The following ADRA1A variants were observed in gnomAD, a reference collection of about 807,000 sequenced individuals.
ADRA1A encodes the protein alpha-1A adrenergic receptor.
In ADRA1A, 31 loss-of-function variants were observed where a neutral mutation model predicts 29.6. The observed-to-expected ratio is 1.05, with a 90% CI of 0.79 to 1.41. The LOEUF (loss-of-function observed/expected upper bound fraction) is 1.41, where lower values mean the gene tolerates loss of function less well. ADRA1A is among the 40% of genes most tolerant of loss of function. The pLI, the probability that ADRA1A is intolerant of heterozygous loss-of-function variation, is 0.00. For synonymous variants in ADRA1A, 311 were observed against 254.3 expected, an observed-to-expected ratio of 1.22 and a Z score of -2.12; for missense variants, 619 against 601.1, an observed-to-expected ratio of 1.03 and a Z score of -0.31.
chr8:26,854,276 C>G (rs559156643), intron 2 of ADRA1A: 2 of 152,284 alleles, frequency 1.3e-5, no homozygotes, highest in South Asian at 4.2e-4. Context: ...GTCTGTAGTT[C>G]CAACTACTCA....
downstream of ADRA1A, among the ~76,000 whole-genome samples, chr8:26,761,988 A>G (rs969610216): frequency 2.6e-5 from 4 of 152,196 alleles, no homozygotes; most frequent in South Asian, 4.1e-4. Flanking sequence ...GCATTGCTCA[A>G]TGCTAACATA....
downstream of ADRA1A, among the ~76,000 whole-genome samples, chr8:26,752,096 C>A (rs754282592): frequency 3.3e-5 from 5 of 151,996 alleles, no homozygotes; most frequent in Non-Finnish European, 7.4e-5. Context: ...CCAGAGAGCT[C>A]ATTGGCAAAC....
At chr8:26,840,899 T>C (rs1400353121) in intron 2 of ADRA1A, among the ~76,000 whole-genome samples, 1 of 152,170 alleles carries the variant, frequency 6.6e-6, no homozygotes, top group Non-Finnish European at 1.5e-5. Flanking sequence ...ATTATGGCTA[T>C]AGAGAGCAAA....
downstream of ADRA1A, among the ~76,000 whole-genome samples, chr8:26,752,588 T>C (rs1314093893): frequency 1.3e-5 from 2 of 152,220 alleles, no homozygotes; most frequent in African/African-American, 4.8e-5. Flanking sequence ...AGAAATTATT[T>C]TGGGGCTGCT....
chr8:26,777,740 C>G (rs1274844821), intron 2 of ADRA1A, among the ~76,000 whole-genome samples: 1 of 152,248 alleles, frequency 6.6e-6, no homozygotes, highest in African/African-American at 2.4e-5. Flanking sequence ...TAGCTCTCCT[C>G]TTGCATGGGG....
Position 26,865,199 on chromosome 8 carries a change from G to A in ADRA1A, c.-230C>T, listed in dbSNP as rs1435956864. 1.2e-5 allele frequency: 16 copies of A among 1,376,256 alleles called. No individual in the cohort carries two copies. Among genetic ancestry groups the A allele is most frequent in the Non-Finnish European group, 1.5e-5 (16 of 1,067,072 alleles). The allele number at this position is 1,376,256 out of a possible 1,614,324, so 85.3% of individuals were successfully genotyped here. A position where few individuals can be genotyped will look rare whatever the true frequency, so the allele number is the denominator to read the frequency against. On this transcript the variant is annotated 5_prime_UTR_variant, in exon 2 of 3. Coordinates refer to ENST00000380573, the MANE Select transcript of ADRA1A (RefSeq NM_000680.4). The surrounding 1 kb of genome is among the most constrained non-coding windows in gnomAD (Gnocchi z 7.6). ...GCAGGGCATTAAAGACATGGCCAGG[G>A]GCGCGCGGGGCTGCCGGGGACCCTC...
chr8:26,832,766 G>C (rs113228744), intron 2 of ADRA1A, among the ~76,000 whole-genome samples: 5 of 152,266 alleles, frequency 3.3e-5, no homozygotes, highest in African/African-American at 7.2e-5. Flanking sequence ...TCACACCTGT[G>C]GGGGAGGGAG....
chr8:26,865,526 C>G lies in ADRA1A; in HGVS notation c.-557G>C, dbSNP rs759265403. On this transcript the variant is annotated 5_prime_UTR_variant, in exon 2 of 3. Coordinates refer to ENST00000380573, the MANE Select transcript of ADRA1A (RefSeq NM_000680.4). The surrounding 1 kb of genome is among the most constrained non-coding windows in gnomAD (Gnocchi z 7.6). ...GGGCGCTGCTCCTGGCCCGCAGTTA[C>G]CTACATTTTGAGCTGCCCCACCGAA... is the stretch of plus-strand genomic sequence containing the variant. 1 of 991,180 alleles carries G rather than the reference C, an allele frequency of 1.0e-6. No homozygotes were observed. Among genetic ancestry groups the G allele is most frequent in the Non-Finnish European group, 1.2e-6 (1 of 832,834 alleles). 61.4% of individuals were successfully genotyped at this position (991,180 alleles called of 1,614,324 possible).
At chr8:26,847,142 C>T (rs1047210562) in intron 2 of ADRA1A, among the ~76,000 whole-genome samples, 4 of 151,908 alleles carry the variant, frequency 2.6e-5, no homozygotes, top group Non-Finnish European at 2.9e-5. Context: ...GTGGGTACAG[C>T]GCACCAGCAT....
At position 26,865,123 on chromosome 8, in the gene ADRA1A, G is replaced by A. The variant is rs1172874912; in HGVS notation, c.-154C>T. 2 of 1,468,406 alleles carry A rather than the reference G, an allele frequency of 1.4e-6. No individual in the cohort carries two copies. Among genetic ancestry groups the A allele is most frequent in the Non-Finnish European group, 1.8e-6 (2 of 1,119,004 alleles). The allele number at this position is 1,468,406 out of a possible 1,614,324, so 91.0% of individuals were successfully genotyped here. Reference sequence around the variant, plus strand: ...TGGGGGTGAGAGCGCGCGCGCGGGTGGGAAACAACCCTGGCCAGCCCTGGG... The same window carrying A: ...TGGGGGTGAGAGCGCGCGCGCGGGTAGGAAACAACCCTGGCCAGCCCTGGG... On this transcript the variant is annotated 5_prime_UTR_variant, in exon 2 of 3. Coordinates refer to ENST00000380573, the MANE Select transcript of ADRA1A (RefSeq NM_000680.4). This position sits in a 1 kb window ranked among gnomAD's most constrained non-coding sequence, Gnocchi z 7.6.
In ADRA1A at chr8:26,841,342, C is replaced by G. The variant is rs1811802087; in HGVS notation, c.883+22745G>C. On this transcript the variant is annotated intron_variant, in intron 2 of 2. Transcript: ENST00000380573. This position sits in a 1 kb window ranked among gnomAD's most constrained non-coding sequence, Gnocchi z 4.4. ...AGGCCACCTACAGTTTCCTTTACCA[C>G]CCACTGTCTGAGCCACCAAAGCCTA... Among the ~76,000 whole-genome samples, 1 of 152,148 alleles carries G rather than the reference C, an allele frequency of 6.6e-6. No homozygotes were observed. The highest frequency in any genetic ancestry group is 2.1e-4 in the South Asian group (1 of 4,824).
In ADRA1A at chr8:26,832,672, G is replaced by T. The variant is rs150478309; in HGVS notation, c.883+31415C>A. On this transcript the variant is annotated intron_variant, in intron 2 of 2. Transcript: ENST00000380573. ...TTTAACAGTTCAAGCAGATTGTCTA[G>T]GGCAGGGAAGTAGACTGAGAAACAG... 1.8e-3 allele frequency among the ~76,000 whole-genome samples: 272 copies of T among 152,244 alleles called. 2 individuals are homozygous for T. The highest frequency in any genetic ancestry group is 2.1e-3 in the Non-Finnish European group (141 of 68,018).
At chr8:26,756,432 C>A (rs1805171094) in exon 3 of ADRA1A, 1 of 1,388,178 alleles carries the variant, frequency 7.2e-7, no homozygotes, top group African/African-American at 1.4e-5. Context: ...TCTCAATTAA[C>A]TTTTAAGAAT....
Position 26,775,207 on chromosome 8 carries a change from C to G in ADRA1A, c.884-4541G>C, listed in dbSNP as rs886596539. On this transcript the variant is annotated intron_variant, in intron 2 of 2. Transcript: ENST00000380573. The surrounding 1 kb of genome is among the most constrained non-coding windows in gnomAD (Gnocchi z 4.1). ...ACCTTCTGACAGACGGATGGACTGA[C>G]TGACTGAATGAATGAATGGCTGTGT... Among the ~76,000 whole-genome samples the G allele has an allele frequency of 1.4e-4, 21 of 152,210 alleles. No individual in the cohort carries two copies. The highest frequency in any genetic ancestry group is 3.1e-4 in the Non-Finnish European group (21 of 68,030).
chr8:26,793,965 T>G (rs910774759), intron 2 of ADRA1A, among the ~76,000 whole-genome samples: 1 of 151,670 alleles, frequency 6.6e-6, no homozygotes, highest in Non-Finnish European at 1.5e-5. Context: ...AGAAAACAAA[T>G]AAAAAGTAAA....
In ADRA1A at chr8:26,864,349, G is replaced by A. The variant is rs754715224; in HGVS notation, c.621C>T (p.Val207=). Residue 207 remains valine (V), a synonymous_variant, in exon 2 of 3, where the codon GTC becomes GTT. Transcript: ENST00000380573. This position sits in a 1 kb window ranked among gnomAD's most constrained non-coding sequence, Gnocchi z 8.1. ...LAIILVMYCR[V]YVVAKRESRG... ...GGCTCTCCCTCTTGGCCACCACGTA[G>A]ACGCGGCAGTACATGACCAGGATGA... The A allele has an allele frequency of 6.2e-7, 1 of 1,614,074 alleles. No individual in the cohort carries two copies. The highest frequency in any genetic ancestry group is 1.1e-5 in the South Asian group (1 of 91,086).
intron 2 of ADRA1A, chr8:26,779,006 C>A: frequency 5.0e-6 from 1 of 198,144 alleles, no homozygotes; most frequent in East Asian, 1.2e-4. Flanking sequence ...CTCCCTGAGA[C>A]CACCCAGTCT....
intron 2 of ADRA1A, among the ~76,000 whole-genome samples, chr8:26,783,569 T>C (rs1807151875): frequency 6.6e-6 from 1 of 152,196 alleles, no homozygotes; most frequent in African/African-American, 2.4e-5. Context: ...GTGACAATGA[T>C]TCAGAAAGTT....
chr8:26,788,596 C>T (rs1270891191), intron 2 of ADRA1A, among the ~76,000 whole-genome samples: 1 of 152,162 alleles, frequency 6.6e-6, no homozygotes, highest in East Asian at 1.9e-4. Context: ...AAGTACTTTT[C>T]ATGCACCACC....
Sources: gnomAD v4.1 joint callset for allele counts (sites outside exome capture counted in the v4.1 genomes callset) on GRCh38, gnomAD v4.1.1 for gene constraint, Gnocchi (gnomAD v3.1) non-coding constraint, MANE v1.5 for transcripts, NCBI Gene and HGNC (gene_info 2026-07-23, HGNC 2026-07-21) for gene names.